The following ZNF470 variants were observed in gnomAD, a reference collection of about 807,000 sequenced individuals.
The protein encoded by ZNF470 is zinc finger protein 470, also known as chondrogenesis zinc finger protein 1.
In ZNF470, 13 loss-of-function variants were observed where a neutral mutation model predicts 13.9. The ratio of observed to expected loss-of-function variants is 0.94; its 90% CI spans 0.61 to 1.49. The LOEUF (loss-of-function observed/expected upper bound fraction) is 1.49. ZNF470 is among the 40% of genes most tolerant of loss of function. The pLI is 0.00. For synonymous variants in ZNF470, 293 were observed against 282.9 expected, an observed-to-expected ratio of 1.04 and a Z score of -0.36; for missense variants, 929 against 857.3, an observed-to-expected ratio of 1.08 and a Z score of -1.04.
At chr19:56,570,251 G>T (rs143449342) in intron 2 of ZNF470, 29 bp from the exon 3 acceptor site, 2 of 1,509,936 alleles carry the variant, frequency 1.3e-6, no homozygotes, top group East Asian at 4.5e-5. Flanking sequence ...AGTGCTACTT[G>T]GTTTCTCACT....
Position 56,579,126 on chromosome 19 carries a change from G to T in ZNF470, c.*543G>T, listed in dbSNP as rs2044516119. On this transcript the variant is annotated 3_prime_UTR_variant, in exon 6 of 6. Transcript: ENST00000330619. ...CTGAGAAGTGAGAATCAGCCAATTA[G>T]AACAAAAGCTTTTAGCTGGGTGCGG... is the stretch of plus-strand genomic sequence containing the variant. 7.1e-6 allele frequency: 7 copies of T among 985,484 alleles called. No homozygotes were observed. Among genetic ancestry groups the T allele is most frequent in the Non-Finnish European group, 8.4e-6 (7 of 829,968 alleles). 61.0% of individuals were successfully genotyped at this position (985,484 alleles called of 1,614,324 possible).
At position 56,577,625 on chromosome 19, in the gene ZNF470, G is replaced by A. The variant is rs1285819598; in HGVS notation, c.1196G>A (p.Cys399Tyr). 1.2e-6 allele frequency: 2 copies of A among 1,613,944 alleles called. No individual in the cohort carries two copies. The highest frequency in any genetic ancestry group is 2.2e-5 in the East Asian group (1 of 44,896). Residue 399 changes from cysteine (C) to tyrosine (Y), a missense_variant, in exon 6 of 6, where the codon TGT becomes TAT. Cys to Tyr is a radical substitution (Grantham distance 194). Coordinates refer to ENST00000330619, the MANE Select transcript of ZNF470 (RefSeq NM_001001668.4). ...YYHTGEKPFDCIDCGKAFTDH... is the reference protein window; with the variant it reads ...YYHTGEKPFDYIDCGKAFTDH... ...CATACTGGAGAGAAACCCTTTGACT[G>A]TATTGATTGTGGGAAGGCTTTCACT...
At chr19:56,570,077 ATAT>A in intron 2 of ZNF470, 200 bp from the exon 3 acceptor site, 1 of 505,240 alleles carries the variant, frequency 2.0e-6, no homozygotes, top group Non-Finnish European at 3.6e-6. Flanking sequence ...GGGTCAAGAG[ATAT>A]TATGCTCATC....
chr19:56,568,579 G>A (rs2904239), intron 1 of ZNF470, among the ~76,000 whole-genome samples, 179 bp from the exon 2 acceptor site: 112,299 of 152,062 alleles, frequency 0.74, 41,719 homozygotes, highest in African/African-American at 0.82. Context: ...GAAAGGGGGA[G>A]GAAGGGCTAT....
Position 56,580,780 on chromosome 19 carries a change from A to T in ZNF470, c.*2197A>T. The T allele has an allele frequency of 1.1e-6, 1 of 899,402 alleles. No individual in the cohort carries two copies. The highest frequency in any genetic ancestry group is 1.3e-6 in the Non-Finnish European group (1 of 751,876). 55.7% of individuals were successfully genotyped at this position (899,402 alleles called of 1,614,324 possible). A position where few individuals can be genotyped will look rare whatever the true frequency, so the allele number is the denominator to read the frequency against. ...GAAGCATAATGGCTAGGGGATGGGT[A>T]GTCTCACCAGAGAATGTGGAGCTTT... is the stretch of plus-strand genomic sequence containing the variant. On this transcript the variant is annotated 3_prime_UTR_variant, in exon 6 of 6. Coordinates refer to ENST00000330619, the MANE Select transcript of ZNF470 (RefSeq NM_001001668.4).
intron 3 of ZNF470, among the ~76,000 whole-genome samples, chr19:56,571,671 C>G (rs957490399): frequency 2.0e-5 from 3 of 150,808 alleles, no homozygotes; most frequent in Admixed American, 1.3e-4. Context: ...TGCAGTAGTG[C>G]AATCTTGGCT....
In ZNF470 at chr19:56,578,128, T is replaced by A; in HGVS notation, c.1699T>A (p.Cys567Ser). The change falls in exon 6 of 6, where the codon TGT (cysteine) becomes AGT (serine). Residue 567 changes from cysteine (C) to serine (S), a missense_variant. By Grantham distance (112) the Cys-to-Ser change is moderately radical. Coordinates refer to ENST00000330619, the MANE Select transcript of ZNF470 (RefSeq NM_001001668.4). Reference sequence around the variant, plus strand: ...TCATACTGGTGAGAAGCCTTACGAATGTATTGAATGTGGGAAGGCCTTTAG... The same window carrying A: ...TCATACTGGTGAGAAGCCTTACGAAAGTATTGAATGTGGGAAGGCCTTTAG... ...RVHTGEKPYECIECGKAFSDG... is the reference protein window; with the variant it reads ...RVHTGEKPYESIECGKAFSDG... The A allele has an allele frequency of 6.2e-7, 1 of 1,614,112 alleles. No homozygotes were observed. Among genetic ancestry groups the A allele is most frequent in the Non-Finnish European group, 8.5e-7 (1 of 1,180,010 alleles).
Position 56,578,138 on chromosome 19 carries a change from G to C in ZNF470, c.1709G>C (p.Cys570Ser). ...GAGAAGCCTTACGAATGTATTGAAT[G>C]TGGGAAGGCCTTTAGTGATGGCTCA... Reference protein sequence around the residue: ...TGEKPYECIECGKAFSDGSYL... With the variant: ...TGEKPYECIESGKAFSDGSYL... Residue 570 changes from cysteine to serine, a missense_variant, in exon 6 of 6, where the codon TGT becomes TCT. Cys to Ser is a moderately radical substitution (Grantham distance 112). Coordinates refer to ENST00000330619, the MANE Select transcript of ZNF470 (RefSeq NM_001001668.4). 2 of 1,614,142 alleles carry C rather than the reference G, an allele frequency of 1.2e-6. No homozygotes were observed. Among genetic ancestry groups the C allele is most frequent in the Non-Finnish European group, 1.7e-6 (2 of 1,180,016 alleles).
rs2044526581 is a variant in ZNF470 at position 56,580,395 on chromosome 19, G to A, written c.*1812G>A. ...GCTTTATTGAGACAAAGCAATTCTG[G>A]AGAACACCCATATCCTTCTCTCTGT... is the stretch of plus-strand genomic sequence containing the variant. On this transcript the variant is annotated 3_prime_UTR_variant, in exon 6 of 6. Coordinates refer to ENST00000330619, the MANE Select transcript of ZNF470 (RefSeq NM_001001668.4). The A allele has an allele frequency of 6.5e-6, 1 of 154,280 alleles. No homozygotes were observed. The highest frequency in any genetic ancestry group is 1.4e-5 in the Non-Finnish European group (1 of 69,982). 9.6% of individuals were successfully genotyped at this position (154,280 alleles called of 1,614,324 possible).
In ZNF470 at chr19:56,579,162, C is replaced by T. The variant is rs1291445144; in HGVS notation, c.*579C>T. 1.0e-6 allele frequency: 1 copy of T among 985,176 alleles called. No homozygotes were observed. The highest frequency in any genetic ancestry group is 1.7e-5 in the African/African-American group (1 of 57,240). The allele number at this position is 985,176 out of a possible 1,614,324, so 61.0% of individuals were successfully genotyped here. ...TTTAGCTGGGTGCGGTGGCTCATGCCTGTAGTCCCAGCACTTTGGGAGGCT... is the reference window on the plus strand; with the variant it reads ...TTTAGCTGGGTGCGGTGGCTCATGCTTGTAGTCCCAGCACTTTGGGAGGCT... On this transcript the variant is annotated 3_prime_UTR_variant, in exon 6 of 6. Transcript: ENST00000330619.
intron 3 of ZNF470, 54 bp downstream of exon 3, chr19:56,570,425 G>A (rs2044443946): frequency 1.9e-6 from 3 of 1,541,734 alleles, no homozygotes; most frequent in Non-Finnish European, 2.7e-6. Context: ...TTCTGGATTT[G>A]GTAATACTTG....
At position 56,578,540 on chromosome 19, in the gene ZNF470, C is replaced by T. The variant is rs1440890213; in HGVS notation, c.2111C>T (p.Ser704Leu). The T allele has an allele frequency of 6.3e-7, 1 of 1,580,082 alleles. No individual in the cohort carries two copies. The highest frequency in any genetic ancestry group is 1.8e-5 in the Admixed American group (1 of 55,490). ...HHQRIHTGES[S>L]VILSSALPYH... ...CAGCGAATTCATACCGGAGAGTCATCAGTTATTCTCTCCTCTGCCCTCCCA... is the reference window on the plus strand; with the variant it reads ...CAGCGAATTCATACCGGAGAGTCATTAGTTATTCTCTCCTCTGCCCTCCCA... The change falls in exon 6 of 6, where the codon TCA becomes TTA. Residue 704 changes from serine to leucine, a missense_variant. Ser to Leu is a moderately radical substitution (Grantham distance 145, BLOSUM62 -2). Coordinates refer to ENST00000330619, the MANE Select transcript of ZNF470 (RefSeq NM_001001668.4).
In ZNF470 at chr19:56,576,838, A is replaced by C; in HGVS notation, c.409A>C (p.Lys137Gln). Reference sequence around the variant, plus strand: ...TGACCTTGAATGTTCAACATTAGGGAAAAACTGGAAATGTGAAGACTTGTT... The same window carrying C: ...TGACCTTGAATGTTCAACATTAGGGCAAAACTGGAAATGTGAAGACTTGTT... ...SYDLECSTLGKNWKCEDLFER... is the reference protein window; with the variant it reads ...SYDLECSTLGQNWKCEDLFER... Residue 137 changes from lysine (K) to glutamine (Q), a missense_variant, in exon 6 of 6, where the codon AAA (lysine) becomes CAA (glutamine). By Grantham distance (53) the Lys-to-Gln change is moderately conservative. Transcript: ENST00000330619. 3.1e-6 allele frequency: 5 copies of C among 1,590,500 alleles called. No homozygotes were observed. The highest frequency in any genetic ancestry group is 4.3e-6 in the Non-Finnish European group (5 of 1,173,320).
At position 56,576,941 on chromosome 19, in the gene ZNF470, G is replaced by A. The variant is rs1199601967; in HGVS notation, c.512G>A (p.Arg171Lys). Reference sequence around the variant, plus strand: ...CATATAGATACTCTTATTGAAAAAAGAGATCACTCTAACAAATCTGGGACA... The same window carrying A: ...CATATAGATACTCTTATTGAAAAAAAAGATCACTCTAACAAATCTGGGACA... ...ITHIDTLIEK[R>K]DHSNKSGTVF... Residue 171 changes from arginine to lysine, a missense_variant, in exon 6 of 6, where the codon AGA becomes AAA. Arg to Lys is a conservative substitution (Grantham distance 26, BLOSUM62 2). Transcript: ENST00000330619. 2.5e-6 allele frequency: 4 copies of A among 1,581,444 alleles called. No homozygotes were observed. The highest frequency in any genetic ancestry group is 2.6e-6 in the Non-Finnish European group (3 of 1,169,412).
At position 56,578,644 on chromosome 19, in the gene ZNF470, C is replaced by G. The variant is rs2044512361; in HGVS notation, c.*61C>G. On this transcript the variant is annotated 3_prime_UTR_variant, in exon 6 of 6. Transcript: ENST00000330619. ...TTTTTTCCAGCACATGTCCCATCAT[C>G]ATAGTCCAAGACGCAACCATCTCAT... 1 of 1,414,222 alleles carries G rather than the reference C, an allele frequency of 7.1e-7. No individual in the cohort carries two copies. The highest frequency in any genetic ancestry group is 9.3e-7 in the Non-Finnish European group (1 of 1,079,790). 87.6% of individuals were successfully genotyped at this position (1,414,222 alleles called of 1,614,324 possible). A position where few individuals can be genotyped will look rare whatever the true frequency, so the allele number is the denominator to read the frequency against.
chr19:56,576,669 T>C lies in ZNF470; in HGVS notation c.284-44T>C, dbSNP rs201359213. On this transcript the variant is annotated intron_variant, in intron 5 of 5. Transcript: ENST00000330619. ...TTCATTTTCGAAATTTCCATTATTC[T>C]AGCATTTAATAAAGGAGACATTTAC... The C allele has an allele frequency of 5.9e-6, 8 of 1,358,990 alleles. No homozygotes were observed. In the African/African-American group the frequency reaches 1.2e-4, roughly 20 times the overall value. 84.2% of individuals were successfully genotyped at this position (1,358,990 alleles called of 1,614,324 possible).
rs1269760434 is a variant in ZNF470 at position 56,577,403 on chromosome 19, C to A, written c.974C>A (p.Ala325Glu). 1.2e-6 allele frequency: 2 copies of A among 1,613,822 alleles called. No homozygotes were observed. The highest frequency in any genetic ancestry group is 1.7e-6 in the Non-Finnish European group (2 of 1,179,938). ...KQCNKAFSQL[A>E]HLAQHQRVHT... is the part of the protein sequence containing the mutation. ...TGTAATAAAGCATTCAGCCAGCTTG[C>A]ACACCTTGCTCAACATCAGAGGGTC... Residue 325 changes from alanine (A) to glutamate (E), a missense_variant, in exon 6 of 6, where the codon GCA becomes GAA. Coordinates refer to ENST00000330619, the MANE Select transcript of ZNF470 (RefSeq NM_001001668.4).
chr19:56,571,072 G>A (rs1482825204), intron 3 of ZNF470, among the ~76,000 whole-genome samples: 3 of 152,198 alleles, frequency 2.0e-5, no homozygotes, highest in African/African-American at 7.2e-5. Context: ...CCTGAGTTAC[G>A]CCTTGAATGA....
intron 5 of ZNF470, 58 bp downstream of exon 5, chr19:56,574,791 A>G: frequency 1.3e-6 from 2 of 1,488,570 alleles, no homozygotes; most frequent in Admixed American, 2.1e-5. Flanking sequence ...TTGTCTCTGA[A>G]GTGTGTTGGA....
Sources: allele counts gnomAD v4.1 joint callset (sites outside exome capture counted in the v4.1 genomes callset), GRCh38; gene constraint gnomAD v4.1.1; transcripts MANE v1.5; gene names NCBI Gene and HGNC (gene_info 2026-07-23, HGNC 2026-07-21).